Variants in MGMT observed in about 807,000 individuals in gnomAD.
MGMT encodes the protein methylated-DNA--protein-cysteine methyltransferase.
A neutral mutation model predicts 15.9 loss-of-function variants in MGMT; 14 were observed. That is an observed-to-expected ratio of 0.88 (90% CI 0.58 to 1.37). The LOEUF is 1.37. Among genes scored for constraint, MGMT ranks in the 40% most tolerant of loss-of-function variants. MGMT has a pLI of 0.00. For synonymous variants in MGMT, 130 were observed against 118.2 expected, an observed-to-expected ratio of 1.10 and a Z score of -0.65; for missense variants, 282 against 268.1, an observed-to-expected ratio of 1.05 and a Z score of -0.36.
chr10:129,600,189 A>G (rs532882105), intron 2 of MGMT, among the ~76,000 whole-genome samples: 57 of 152,264 alleles, frequency 3.7e-4, no homozygotes, highest in African/African-American at 1.2e-3. Context: ...TGAGCGACCC[A>G]TCTCTGCGTC....
intron 2 of MGMT, among the ~76,000 whole-genome samples, chr10:129,669,574 C>T (rs1196099122): frequency 1.3e-5 from 2 of 149,558 alleles, no homozygotes; most frequent in African/African-American, 5.0e-5. Flanking sequence ...CATGGCATTA[C>T]ACTGCAGATT....
At chr10:129,613,101 C>A (rs777305838) in intron 2 of MGMT, among the ~76,000 whole-genome samples, 1 of 152,170 alleles carries the variant, frequency 6.6e-6, no homozygotes, top group Admixed American at 6.5e-5. Flanking sequence ...ATGCTCCAAG[C>A]TGTATTGGAA....
chr10:129,570,154 G>T (rs991508171), intron 2 of MGMT, among the ~76,000 whole-genome samples: 3 of 152,214 alleles, frequency 2.0e-5, no homozygotes, highest in African/African-American at 7.2e-5. Flanking sequence ...CACTGACATT[G>T]GTCTTATTCT....
chr10:129,513,529 G>A (rs1283719488), intron 1 of MGMT, among the ~76,000 whole-genome samples: 1 of 152,152 alleles, frequency 6.6e-6, no homozygotes, highest in Non-Finnish European at 1.5e-5. Flanking sequence ...GCTCAGAGCA[G>A]GAGGCCCAGA....
At chr10:129,526,143 A>G (rs1398429182) in intron 1 of MGMT, among the ~76,000 whole-genome samples, 2 of 152,180 alleles carry the variant, frequency 1.3e-5, no homozygotes, top group East Asian at 3.9e-4. Context: ...GGCCCTTTAT[A>G]CTTGGTGAGC....
chr10:129,497,937 G>A (rs1771448), intron 1 of MGMT, among the ~76,000 whole-genome samples: 70,040 of 152,084 alleles, frequency 0.46, 16,653 homozygotes, highest in East Asian at 0.61. Flanking sequence ...CAGAATGTGC[G>A]AGATGAATTT....
rs1845204661 is a variant in MGMT at position 129,469,297 on chromosome 10, C to T, written c.-13+2001C>T. Among the ~76,000 whole-genome samples the T allele has an allele frequency of 2.0e-5, 3 of 152,176 alleles. 1 individual carries two copies. The highest frequency in any genetic ancestry group is 4.1e-4 in the South Asian group (2 of 4,834). Reference sequence around the variant, plus strand: ...AAATAAAGTTACTAAATTGTCTGTTCTGTTTTGCAGAGGACACACATTTAG... The same window carrying T: ...AAATAAAGTTACTAAATTGTCTGTTTTGTTTTGCAGAGGACACACATTTAG... On this transcript the variant is annotated intron_variant, in intron 1 of 4. Coordinates refer to ENST00000651593, the MANE Select transcript of MGMT (RefSeq NM_002412.5).
intron 1 of MGMT, among the ~76,000 whole-genome samples, chr10:129,522,387 T>G (rs1025294136): frequency 6.6e-6 from 1 of 152,190 alleles, no homozygotes. Flanking sequence ...TACTGTTCCT[T>G]TCCTGTGTGG....
At chr10:129,729,331 G>A (rs528084617) in intron 3 of MGMT, among the ~76,000 whole-genome samples, 5 of 152,286 alleles carry the variant, frequency 3.3e-5, no homozygotes, top group Admixed American at 3.3e-4. Context: ...GCAGCAGGTC[G>A]CAATGTCTTG....
chr10:129,766,861 C>A lies in MGMT; in HGVS notation c.488C>A (p.Ala163Asp). 6.2e-7 allele frequency: 1 copy of A among 1,613,788 alleles called. No individual in the cohort carries two copies. Among genetic ancestry groups the A allele is most frequent in the Non-Finnish European group, 8.5e-7 (1 of 1,180,028 alleles). Reference sequence around the variant, plus strand: ...GTGGGCAACTACTCCGGAGGACTGGCCGTGAAGGAATGGCTTCTGGCCCAT... The same window carrying A: ...GTGGGCAACTACTCCGGAGGACTGGACGTGAAGGAATGGCTTCTGGCCCAT... ...GAVGNYSGGLAVKEWLLAHEG... is the reference protein window; with the variant it reads ...GAVGNYSGGLDVKEWLLAHEG... Residue 163 changes from alanine to aspartate, a missense_variant, in exon 5 of 5, where the codon GCC (alanine) becomes GAC (aspartate). Physicochemically the swap from Ala to Asp is moderately radical, Grantham distance 126 (BLOSUM62 -2). Transcript: ENST00000651593.
intron 1 of MGMT, among the ~76,000 whole-genome samples, chr10:129,513,219 G>A (rs1321525295): frequency 1.3e-5 from 2 of 152,302 alleles, no homozygotes; most frequent in Non-Finnish European, 1.5e-5. Flanking sequence ...AGATCAAGTA[G>A]AATAGTGGGT....
intron 2 of MGMT, among the ~76,000 whole-genome samples, chr10:129,670,725 T>C (rs113416417): frequency 6.6e-6 from 1 of 152,294 alleles, no homozygotes; most frequent in South Asian, 2.1e-4. Context: ...TAAACAGTTA[T>C]GCCAGTAAAT....
chr10:129,727,224 C>A (rs877185), intron 3 of MGMT, among the ~76,000 whole-genome samples: 1 of 152,088 alleles, frequency 6.6e-6, no homozygotes, highest in African/African-American at 2.4e-5. Flanking sequence ...TGATGGTGTG[C>A]GACTTCCGAG....
intron 2 of MGMT, among the ~76,000 whole-genome samples, chr10:129,614,099 A>C: frequency 6.6e-6 from 1 of 150,570 alleles, no homozygotes. Context: ...TTGAGCACAG[A>C]CTCCCCCTTC....
chr10:129,542,563 G>A (rs1408320148), intron 2 of MGMT, among the ~76,000 whole-genome samples: 2 of 152,074 alleles, frequency 1.3e-5, no homozygotes, highest in Admixed American at 6.5e-5. Flanking sequence ...TTTTACCTGC[G>A]GCAAGTTCGG....
chr10:129,696,415 A>G (rs747019956), intron 2 of MGMT, among the ~76,000 whole-genome samples: 4 of 152,184 alleles, frequency 2.6e-5, no homozygotes, highest in East Asian at 1.9e-4. Context: ...GCAGAGTCCT[A>G]TCAAAGTAAG....
chr10:129,468,170 C>T (rs1845191500), intron 1 of MGMT, among the ~76,000 whole-genome samples: 1 of 152,166 alleles, frequency 6.6e-6, no homozygotes, highest in African/African-American at 2.4e-5. Context: ...TTAAGTCAGG[C>T]TCTCCCGTCA....
At chr10:129,544,914 T>C (rs1589859337) in intron 2 of MGMT, among the ~76,000 whole-genome samples, 1 of 152,184 alleles carries the variant, frequency 6.6e-6, no homozygotes, top group Admixed American at 6.5e-5. Context: ...CTGGAGTCTC[T>C]GTTTCTCCCA....
chr10:129,468,475 C>T (rs1192983061), intron 1 of MGMT, among the ~76,000 whole-genome samples: 3 of 152,004 alleles, frequency 2.0e-5, no homozygotes, highest in South Asian at 2.1e-4. Flanking sequence ...CCCTCTGTCT[C>T]GGGTTGGAAT....
Sources: gnomAD v4.1 joint callset for allele counts (sites outside exome capture counted in the v4.1 genomes callset) on GRCh38, gnomAD v4.1.1 for gene constraint, MANE v1.5 for transcripts, NCBI Gene and HGNC (gene_info 2026-07-23, HGNC 2026-07-21) for gene names.